Variants in OR8D1 observed in about 807,000 individuals in gnomAD.
The protein encoded by OR8D1 is olfactory receptor family 8 subfamily D member 1.
For missense variants in OR8D1, 384 were observed against 366.8 expected, an observed-to-expected ratio of 1.05 and a Z score of -0.38; for synonymous variants, 143 against 147.0, an observed-to-expected ratio of 0.97 and a Z score of 0.20.
chr11:124,310,705 G>T lies in OR8D1; in HGVS notation c.62C>A (p.Ala21Glu). 6.2e-7 allele frequency: 1 copy of T among 1,613,848 alleles called. No individual in the cohort carries two copies. The highest frequency in any genetic ancestry group is 1.1e-5 in the South Asian group (1 of 91,068). Residue 21 changes from alanine (A) to glutamate (E), a missense_variant, in exon 3 of 3, where the codon GCA becomes GAA. Physicochemically the swap from Ala to Glu is moderately radical, Grantham distance 107 (BLOSUM62 -1). Transcript: ENST00000641015. ...GAGGAAGAGGGGCAGCTGGAGCTCT[G>T]CTTGCTGTGTTAAACCATCTAAGAC... ...QFVLDGLTQQ[A>E]ELQLPLFLLF...
rs1862392385 is a variant in OR8D1 at position 124,309,093 on chromosome 11, T to G, written c.*747A>C. Reference sequence around the variant, plus strand: ...AAATGTGGGGGTTATATCTTCCCTATGAGGAAGGTTTTTCAACCTTAGGCA... The same window carrying G: ...AAATGTGGGGGTTATATCTTCCCTAGGAGGAAGGTTTTTCAACCTTAGGCA... On this transcript the variant is annotated 3_prime_UTR_variant, in exon 3 of 3. Coordinates refer to ENST00000641015, the MANE Select transcript of OR8D1 (RefSeq NM_001002917.2). The G allele has an allele frequency of 6.6e-6, 1 of 152,080 alleles. No individual in the cohort carries two copies. Among genetic ancestry groups the G allele is most frequent in the Admixed American group, 6.6e-5 (1 of 15,254 alleles). 9.4% of individuals were successfully genotyped at this position (152,080 alleles called of 1,614,324 possible).
intron 2 of OR8D1, 156 bp from the exon 3 acceptor site, chr11:124,310,938 T>G (rs983910721): frequency 1.5e-4 from 80 of 534,658 alleles, no homozygotes; most frequent in Non-Finnish European, 9.8e-5. Context: ...CTCCCTAAAG[T>G]TCCCTGGGCC....
Position 124,308,036 on chromosome 11 carries a change from G to A in OR8D1, c.*1804C>T, listed in dbSNP as rs1257665369. On this transcript the variant is annotated 3_prime_UTR_variant, in exon 3 of 3. Transcript: ENST00000641015. ...AGAGAAACAGTTCAATTGAATTATT[G>A]CAAAGCTAACAACTAAGAATACAGT... 1 of 152,092 alleles carries A rather than the reference G, an allele frequency of 6.6e-6. No individual in the cohort carries two copies. The highest frequency in any genetic ancestry group is 2.4e-5 in the African/African-American group (1 of 41,430). 9.4% of individuals were successfully genotyped at this position (152,092 alleles called of 1,614,324 possible). A position where few individuals can be genotyped will look rare whatever the true frequency, so the allele number is the denominator to read the frequency against.
Position 124,310,660 on chromosome 11 carries a change from A to G in OR8D1, c.107T>C (p.Val36Ala), listed in dbSNP as rs1194253090. Residue 36 changes from valine to alanine, a missense_variant, in exon 3 of 3, where the codon GTG (valine) becomes GCG (alanine). Transcript: ENST00000641015. Reference protein sequence around the residue: ...PLFLLFLGIYVVTVVGNLGMI... With the variant: ...PLFLLFLGIYAVTVVGNLGMI... ...GCCCAGGTTGCCCACTACTGTGACC[A>G]CATAGATTCCCAGGAACAGGAGGAA... The G allele has an allele frequency of 6.2e-7, 1 of 1,613,978 alleles. No individual in the cohort carries two copies. The highest frequency in any genetic ancestry group is 8.5e-7 in the Non-Finnish European group (1 of 1,179,882).
At position 124,308,723 on chromosome 11, in the gene OR8D1, A is replaced by C. The variant is rs1862387331; in HGVS notation, c.*1117T>G. 6.6e-6 allele frequency: 1 copy of C among 152,124 alleles called. No homozygotes were observed. The highest frequency in any genetic ancestry group is 2.4e-5 in the African/African-American group (1 of 41,446). 9.4% of individuals were successfully genotyped at this position (152,124 alleles called of 1,614,324 possible). ...AAAAAGTAAAGGGAGAAAGGCAACT[A>C]ATTTCAGCAAACACTAATGGTTTAA... On this transcript the variant is annotated 3_prime_UTR_variant, in exon 3 of 3. Transcript: ENST00000641015.
At position 124,303,652 on chromosome 11, in the gene OR8D1, A is replaced by C. The variant is rs2137786642; in HGVS notation, c.*6188T>G. ...TTATGTATGATGCCTTTTATTGTAAAGTTTTTTAATGTGGCTGTATTTATG... is the reference window on the plus strand; with the variant it reads ...TTATGTATGATGCCTTTTATTGTAACGTTTTTTAATGTGGCTGTATTTATG... On this transcript the variant is annotated 3_prime_UTR_variant, in exon 3 of 3. Coordinates refer to ENST00000641015, the MANE Select transcript of OR8D1 (RefSeq NM_001002917.2). The C allele has an allele frequency of 6.6e-6, 1 of 152,064 alleles. No individual in the cohort carries two copies. The highest frequency in any genetic ancestry group is 2.4e-5 in the African/African-American group (1 of 41,522). 9.4% of individuals were successfully genotyped at this position (152,064 alleles called of 1,614,324 possible). A position where few individuals can be genotyped will look rare whatever the true frequency, so the allele number is the denominator to read the frequency against.
In OR8D1 at chr11:124,310,762, G is replaced by C. The variant is rs1478596724; in HGVS notation, c.5C>G (p.Thr2Ser). The change falls in exon 3 of 3, where the codon ACC becomes AGC. Residue 2 changes from threonine (T) to serine (S), a missense_variant. Thr to Ser is a moderately conservative substitution (Grantham distance 58). Transcript: ENST00000641015. M[T>S]MENYSMAAQF... ...AGCTGCCATAGAATAATTTTCCATG[G>C]TCATTCTTCTTTAGGCATTTCTGTG... is the stretch of plus-strand genomic sequence containing the variant. 6.2e-7 allele frequency: 1 copy of C among 1,607,382 alleles called. No homozygotes were observed. Among genetic ancestry groups the C allele is most frequent in the South Asian group, 1.1e-5 (1 of 90,506 alleles).
In OR8D1 at chr11:124,305,953, T is replaced by C. The variant is rs1862365602; in HGVS notation, c.*3887A>G. 1 of 151,958 alleles carries C rather than the reference T, an allele frequency of 6.6e-6. No individual in the cohort carries two copies. Among genetic ancestry groups the C allele is most frequent in the Admixed American group, 6.6e-5 (1 of 15,210 alleles). 9.4% of individuals were successfully genotyped at this position (151,958 alleles called of 1,614,324 possible). On this transcript the variant is annotated 3_prime_UTR_variant, in exon 3 of 3. Transcript: ENST00000641015. The stretch of plus-strand genomic sequence containing the variant: ...CTTAACTTACTATATACTTTGCATA[T>C]TGTCCCTGCCAGTACTATTTCACAA...
intron 1 of OR8D1, among the ~76,000 whole-genome samples, 174 bp downstream of exon 1, chr11:124,313,547 A>G (rs556866544): frequency 1.3e-5 from 2 of 152,296 alleles, no homozygotes; most frequent in South Asian, 4.1e-4. Flanking sequence ...AAGAAGTGAC[A>G]AGGCAAAATC....
chr11:124,312,554 G>T (rs1283194836), intron 1 of OR8D1, among the ~76,000 whole-genome samples: 7 of 129,080 alleles, frequency 5.4e-5, no homozygotes, highest in Admixed American at 2.5e-4. Context: ...GTTTTGCTCT[G>T]TCGCCCAGGC....
At chr11:124,311,790 G>A (rs1291872510) in intron 1 of OR8D1, 114 bp from the exon 2 acceptor site, 4 of 152,144 alleles carry the variant, frequency 2.6e-5, no homozygotes, top group Non-Finnish European at 5.9e-5. Flanking sequence ...CATTTCAGAG[G>A]AGTGTGTGTG....
Position 124,303,379 on chromosome 11 carries a change from T to A in OR8D1, c.*6461A>T, listed in dbSNP as rs1445820906. Reference sequence around the variant, plus strand: ...GATGTGGACACAGGGCTAAACCATATGAGTCCTTGACATGTAGTATAGTAA... The same window carrying A: ...GATGTGGACACAGGGCTAAACCATAAGAGTCCTTGACATGTAGTATAGTAA... On this transcript the variant is annotated 3_prime_UTR_variant, in exon 3 of 3. Transcript: ENST00000641015. 3 of 152,194 alleles carry A rather than the reference T, an allele frequency of 2.0e-5. No individual in the cohort carries two copies. Among genetic ancestry groups the A allele is most frequent in the East Asian group, 1.9e-4 (1 of 5,168 alleles). The allele number at this position is 152,194 out of a possible 1,614,324, so 9.4% of individuals were successfully genotyped here.
chr11:124,310,033 A>G lies in OR8D1; in HGVS notation c.734T>C (p.Leu245Pro). 6.2e-7 allele frequency: 1 copy of G among 1,609,588 alleles called. No homozygotes were observed. Among genetic ancestry groups the G allele is most frequent in the Non-Finnish European group, 8.5e-7 (1 of 1,177,528 alleles). Reference protein sequence around the residue: ...SKAFGTCSSHLMAVVIFFGSI... With the variant: ...SKAFGTCSSHPMAVVIFFGSI... ...CCCAAAGAAGATCACCACAGCCATG[A>G]GATGAGAGCTGCATGTTCCAAAAGC... The change falls in exon 3 of 3, where the codon CTC (leucine) becomes CCC (proline). Residue 245 changes from leucine to proline, a missense_variant. Leu to Pro is a moderately conservative substitution (Grantham distance 98, BLOSUM62 -3). Coordinates refer to ENST00000641015, the MANE Select transcript of OR8D1 (RefSeq NM_001002917.2).
Position 124,310,155 on chromosome 11 carries a change from C to A in OR8D1, c.612G>T (p.Gly204=). ...CTAGGGTGGGCACCAAGGTGTTAAA[C>A]CCCGCAATGATAAAAAGTAGAAGCT... ...LNELLLFIIA[G]FNTLVPTLAV... The change falls in exon 3 of 3, where the codon GGG becomes GGT. Residue 204 remains glycine (G), a synonymous_variant. Coordinates refer to ENST00000641015, the MANE Select transcript of OR8D1 (RefSeq NM_001002917.2). 1 of 1,613,632 alleles carries A rather than the reference C, an allele frequency of 6.2e-7. No individual in the cohort carries two copies. Among genetic ancestry groups the A allele is most frequent in the Non-Finnish European group, 8.5e-7 (1 of 1,179,890 alleles).
rs1322041873 is a variant in OR8D1 at position 124,307,015 on chromosome 11, A to G, written c.*2825T>C. ...TCCTTGCCTATGAAATTCTACCTCT[A>G]CTAATAGAGACCTACAGGGATCCAG... On this transcript the variant is annotated 3_prime_UTR_variant, in exon 3 of 3. Transcript: ENST00000641015. 1.3e-5 allele frequency: 2 copies of G among 152,086 alleles called. No individual in the cohort carries two copies. Among genetic ancestry groups the G allele is most frequent in the Admixed American group, 6.6e-5 (1 of 15,244 alleles). 9.4% of individuals were successfully genotyped at this position (152,086 alleles called of 1,614,324 possible). A position where few individuals can be genotyped will look rare whatever the true frequency, so the allele number is the denominator to read the frequency against.
rs1203770135 is a variant in OR8D1 at position 124,303,097 on chromosome 11, G to A, written c.*6743C>T. 2 of 152,352 alleles carry A rather than the reference G, an allele frequency of 1.3e-5. No homozygotes were observed. The highest frequency in any genetic ancestry group is 4.8e-5 in the African/African-American group (2 of 41,446). The allele number at this position is 152,352 out of a possible 1,614,324, so 9.4% of individuals were successfully genotyped here. A position where few individuals can be genotyped will look rare whatever the true frequency, so the allele number is the denominator to read the frequency against. On this transcript the variant is annotated 3_prime_UTR_variant, in exon 3 of 3. Coordinates refer to ENST00000641015, the MANE Select transcript of OR8D1 (RefSeq NM_001002917.2). ...GAGACTAGGTTATTCATAAAGAAGA[G>A]AGGTTTAATTGACTCACAGTTCTAC...
Position 124,310,756 on chromosome 11 carries a change from T to C in OR8D1, c.11A>G (p.Glu4Gly). The C allele has an allele frequency of 6.2e-7, 1 of 1,609,234 alleles. No homozygotes were observed. Among genetic ancestry groups the C allele is most frequent in the South Asian group, 1.1e-5 (1 of 90,692 alleles). ...AAACTGAGCTGCCATAGAATAATTT[T>C]CCATGGTCATTCTTCTTTAGGCATT... MTMENYSMAAQFVL... is the reference protein window; with the variant it reads MTMGNYSMAAQFVL... The change falls in exon 3 of 3, where the codon GAA (glutamate) becomes GGA (glycine). Residue 4 changes from glutamate (E) to glycine (G), a missense_variant. Transcript: ENST00000641015.
At chr11:124,313,575 G>C (rs543413003) in intron 1 of OR8D1, 146 bp downstream of exon 1, 8 of 152,334 alleles carry the variant, frequency 5.3e-5, no homozygotes, top group South Asian at 2.1e-4. Context: ...GAGGAGAAGG[G>C]AGGACATAAC....
rs1402681668 is a variant in OR8D1, at chr11:124,306,131, A to T, written c.*3709T>A. On this transcript the variant is annotated 3_prime_UTR_variant, in exon 3 of 3. Transcript: ENST00000641015. Reference sequence around the variant, plus strand: ...ACAATGTCACTTTTATTTCTTAAGTATGCATGCCTAGAAATTGAATAACGT... The same window carrying T: ...ACAATGTCACTTTTATTTCTTAAGTTTGCATGCCTAGAAATTGAATAACGT... The T allele has an allele frequency of 2.0e-5, 3 of 151,776 alleles. No individual in the cohort carries two copies. Among genetic ancestry groups the T allele is most frequent in the Non-Finnish European group, 4.4e-5 (3 of 67,852 alleles). The allele number at this position is 151,776 out of a possible 1,614,324, so 9.4% of individuals were successfully genotyped here.
Sources: gnomAD v4.1 joint callset for allele counts (sites outside exome capture counted in the v4.1 genomes callset) on GRCh38, gnomAD v4.1.1 for gene constraint, MANE v1.5 for transcripts, NCBI Gene and HGNC (gene_info 2026-07-23, HGNC 2026-07-21) for gene names.